The following SLC30A8 variants were observed in gnomAD, a reference collection of about 807,000 sequenced individuals.
The protein encoded by SLC30A8 is proton-coupled zinc antiporter SLC30A8.
In SLC30A8, 27 loss-of-function variants were observed where a neutral mutation model predicts 36.9. The observed-to-expected ratio is 0.73, with a 90% CI of 0.54 to 1.01. The LOEUF (loss-of-function observed/expected upper bound fraction) is 1.01, where lower values mean the gene tolerates loss of function less well. SLC30A8 is among the 50% of genes least tolerant of loss of function. SLC30A8 has a pLI of 0.00. For missense variants in SLC30A8, 439 were observed against 452.0 expected, an observed-to-expected ratio of 0.97 and a Z score of 0.26; for synonymous variants, 164 against 172.4, an observed-to-expected ratio of 0.95 and a Z score of 0.38.
At chr8:116,976,001 T>C in intron 1 of SLC30A8, among the ~76,000 whole-genome samples, 1 of 152,168 alleles carries the variant, frequency 6.6e-6, no homozygotes, top group East Asian at 1.9e-4. Context: ...TGGGTTGAAC[T>C]AGAAGCCAAT....
At chr8:117,146,630 A>G (rs562506789) in intron 1 of SLC30A8, among the ~76,000 whole-genome samples, 2 of 152,178 alleles carry the variant, frequency 1.3e-5, no homozygotes, top group Non-Finnish European at 2.9e-5. Flanking sequence ...CAGTCTTTTT[A>G]GAGTGAAATA....
chr8:116,989,416 C>T (rs948460622), intron 1 of SLC30A8, among the ~76,000 whole-genome samples: 2 of 152,138 alleles, frequency 1.3e-5, no homozygotes, highest in Admixed American at 6.6e-5. Context: ...AAGCTGTTGA[C>T]CATAAGTTCA....
chr8:117,141,554 T>C (rs535763149), intron 1 of SLC30A8, among the ~76,000 whole-genome samples: 20 of 152,262 alleles, frequency 1.3e-4, no homozygotes, highest in African/African-American at 4.8e-4. Flanking sequence ...CATATCATAA[T>C]TTTTTTCAAT....
intron 1 of SLC30A8, among the ~76,000 whole-genome samples, chr8:116,962,962 G>A (rs1478854127): frequency 6.6e-6 from 1 of 151,932 alleles, no homozygotes; most frequent in Admixed American, 6.6e-5. Context: ...GGAACCCGGA[G>A]TCTGGCGGGG....
At chr8:117,063,455 C>T (rs964399473) in intron 2 of SLC30A8, among the ~76,000 whole-genome samples, 10 of 152,184 alleles carry the variant, frequency 6.6e-5, no homozygotes, top group African/African-American at 2.2e-4. Flanking sequence ...AAATATAAAT[C>T]AGGCCATTTT....
At chr8:117,033,590 A>G (rs1007459979) in intron 1 of SLC30A8, among the ~76,000 whole-genome samples, 4 of 152,222 alleles carry the variant, frequency 2.6e-5, no homozygotes, top group African/African-American at 9.7e-5. Flanking sequence ...ATGTCCCTGA[A>G]TTGTTCACTT....
chr8:117,170,272 C>CT (rs1358384993), intron 6 of SLC30A8, among the ~76,000 whole-genome samples: 1 of 152,126 alleles, frequency 6.6e-6, no homozygotes, highest in Non-Finnish European at 1.5e-5. Flanking sequence ...TAGAAATTTC[C>CT]TTTTAGGTCT....
chr8:116,978,165 AG>A lies in SLC30A8; in HGVS notation c.-266+27047del, dbSNP rs1386854580. Among the ~76,000 whole-genome samples, 4 of 152,240 alleles carry A rather than the reference AG, an allele frequency of 2.6e-5. No homozygotes were observed. In the East Asian group the frequency reaches 7.7e-4, roughly 29 times the overall value. On this transcript the variant is annotated intron_variant, in intron 1 of 10. Coordinates refer to the SLC30A8 transcript ENST00000427715. The stretch of plus-strand genomic sequence containing the variant: ...GTCTCTAACTAGTACTCAACATAAA[AG>A]TCCTGGTCTATCAACATACTGGTTA...
intron 1 of SLC30A8, among the ~76,000 whole-genome samples, chr8:117,008,531 G>A (rs1276594649): frequency 6.6e-6 from 1 of 152,188 alleles, no homozygotes; most frequent in Non-Finnish European, 1.5e-5. Flanking sequence ...TTCTGTCTGA[G>A]GGTGGGCTGT....
chr8:117,151,964 C>T (rs1382602701), intron 2 of SLC30A8, among the ~76,000 whole-genome samples: 7 of 152,180 alleles, frequency 4.6e-5, no homozygotes, highest in Admixed American at 1.3e-4. Context: ...TTATTAACTA[C>T]GGCTAGAGCC....
intron 2 of SLC30A8, among the ~76,000 whole-genome samples, chr8:117,099,707 C>T (rs1038046018): frequency 1.3e-5 from 2 of 152,160 alleles, no homozygotes; most frequent in Non-Finnish European, 2.9e-5. Flanking sequence ...AATAAGATTC[C>T]TGCTCACTAA....
chr8:117,017,251 T>C (rs982590446), intron 1 of SLC30A8, among the ~76,000 whole-genome samples: 1 of 152,178 alleles, frequency 6.6e-6, no homozygotes, highest in Non-Finnish European at 1.5e-5. Context: ...TTATTAAAGA[T>C]CATAGTTACA....
In SLC30A8 at chr8:117,112,269, T is replaced by C. The variant is rs1159481982; in HGVS notation, c.-225-23011T>C. The stretch of plus-strand genomic sequence containing the variant: ...AAAGATGAGATTCCTGGAAAATGTT[T>C]TAATGTGGGTTGTATTGTTCTGTCT... On this transcript the variant is annotated intron_variant, in intron 2 of 10. Coordinates refer to the SLC30A8 transcript ENST00000427715. Among the ~76,000 whole-genome samples the C allele has an allele frequency of 7.2e-5, 11 of 152,170 alleles. No homozygotes were observed. In the East Asian group the frequency reaches 2.1e-3, roughly 29 times the overall value.
At position 117,001,786 on chromosome 8, in the gene SLC30A8, A is replaced by G. The variant is rs112840344; in HGVS notation, c.-265-37433A>G. On this transcript the variant is annotated intron_variant, in intron 1 of 10. Transcript: ENST00000427715. ...TCTGGATATGGTTTCCTTGCCATAG[A>G]AACCATAATATCATATTAGCTACTA... Among the ~76,000 whole-genome samples the G allele has an allele frequency of 2.1e-3, 317 of 152,326 alleles. 3 individuals carry two copies. The highest frequency in any genetic ancestry group is 7.1e-3 in the African/African-American group (294 of 41,580).
rs113945202 is a variant in SLC30A8 at position 117,136,845 on chromosome 8, A to G, written c.71+1447A>G. On this transcript the variant is annotated intron_variant, in intron 1 of 7. Coordinates refer to ENST00000456015, the MANE Select transcript of SLC30A8 (RefSeq NM_173851.3). ...CACTTATAGTTACAAAGTCTCATTC[A>G]CCCCATAAATAGGTATGGTTTTCAG... 3.9e-3 allele frequency among the ~76,000 whole-genome samples: 589 copies of G among 152,096 alleles called. 3 individuals are homozygous for G. The highest frequency in any genetic ancestry group is 0.014 in the African/African-American group (565 of 41,526).
At chr8:117,095,621 T>A (rs752913955) in intron 2 of SLC30A8, among the ~76,000 whole-genome samples, 1 of 152,130 alleles carries the variant, frequency 6.6e-6, no homozygotes, top group Non-Finnish European at 1.5e-5. Flanking sequence ...ACAAATAATA[T>A]CTTTTGGAAT....
At chr8:116,975,523 C>T (rs1030768645) in intron 1 of SLC30A8, among the ~76,000 whole-genome samples, 1 of 152,156 alleles carries the variant, frequency 6.6e-6, no homozygotes, top group African/African-American at 2.4e-5. Context: ...GGGTCATGAG[C>T]ATTTTTTAAG....
intron 2 of SLC30A8, among the ~76,000 whole-genome samples, chr8:117,081,134 T>C (rs1370364193): frequency 1.3e-5 from 2 of 152,170 alleles, no homozygotes; most frequent in East Asian, 3.8e-4. Flanking sequence ...CAAACTGTAC[T>C]CAGGCAGGTA....
At chr8:117,145,278 A>G (rs1206343760) in intron 1 of SLC30A8, among the ~76,000 whole-genome samples, 1 of 152,134 alleles carries the variant, frequency 6.6e-6, no homozygotes, top group Non-Finnish European at 1.5e-5. Context: ...AAATATATTC[A>G]TATATTACAA....
Sources: allele counts gnomAD v4.1 joint callset (sites outside exome capture counted in the v4.1 genomes callset), GRCh38; gene constraint gnomAD v4.1.1; transcripts MANE v1.5; gene names NCBI Gene and HGNC (gene_info 2026-07-23, HGNC 2026-07-21).